The following PHIP variants were observed in gnomAD, a reference collection of about 807,000 sequenced individuals.
PHIP encodes PH-interacting protein.
Under a neutral mutation model 236.8 loss-of-function variants are expected in PHIP, and 54 were observed. That is an observed-to-expected ratio of 0.23 (90% CI 0.18 to 0.29). The LOEUF (loss-of-function observed/expected upper bound fraction) is 0.29. Ranked by LOEUF, PHIP falls within the 10% of genes least tolerant of loss-of-function variation. The probability of loss-of-function intolerance (pLI) is 1.00; values close to 1 mark genes in which losing one functional copy is unlikely to be tolerated. For synonymous variants in PHIP, 756 were observed against 718.9 expected (o/e 1.05, Z -0.83); for missense variants, 1,370 against 2,190.8 (o/e 0.63, Z 7.48).
rs78774794 is a variant in PHIP at position 78,978,695 on chromosome 6, T to A, written c.2786A>T (p.Glu929Val). ...ERKQKRLAVG[E>V]LTENGLTLEE... Reference sequence around the variant, plus strand: ...TAATGTCAAACCATTTTCAGTTAGTTCTCCCACAGCCAATCTCTGACAAAA... The same window carrying A: ...TAATGTCAAACCATTTTCAGTTAGTACTCCCACAGCCAATCTCTGACAAAA... Residue 929 changes from glutamate to valine, a missense_variant, in exon 24 of 40, where the codon GAA becomes GTA. Physicochemically the swap from Glu to Val is moderately radical, Grantham distance 121 (BLOSUM62 -2). Transcript: ENST00000275034. The A allele has an allele frequency of 1.9e-4, 306 of 1,597,332 alleles. No homozygotes were observed. The highest frequency in any genetic ancestry group is 2.4e-4 in the Non-Finnish European group (281 of 1,168,342).
chr6:78,946,253 T>C lies in PHIP; in HGVS notation c.4378A>G (p.Arg1460Gly). 6.2e-7 allele frequency: 1 copy of C among 1,612,316 alleles called. No individual in the cohort carries two copies. Among genetic ancestry groups the C allele is most frequent in the Non-Finnish European group, 8.5e-7 (1 of 1,179,022 alleles). Reference sequence around the variant, plus strand: ...TGGGGTTTTAAGATCCTTTTTTTCCTTTCAGGGCTGTAAATAAAATAGTAT... The same window carrying C: ...TGGGGTTTTAAGATCCTTTTTTTCCCTTCAGGGCTGTAAATAAAATAGTAT... Reference protein sequence around the residue: ...VSSSAASSPERKKRILKPQLK... With the variant: ...VSSSAASSPEGKKRILKPQLK... The change falls in exon 38 of 40, where the codon AGG becomes GGG. Residue 1460 changes from arginine to glycine, a missense_variant. Physicochemically the swap from Arg to Gly is moderately radical, Grantham distance 125 (BLOSUM62 -2). Around this residue, in one of 14 missense-constraint regions of PHIP, gnomAD observed 125 missense variants for 235.1 expected, o/e 0.53. Transcript: ENST00000275034.
intron 39 of PHIP, among the ~76,000 whole-genome samples, chr6:78,945,020 A>T (rs146537039): frequency 1.7e-3 from 258 of 152,282 alleles, no homozygotes; most frequent in African/African-American, 5.7e-3. Flanking sequence ...TTTCTAGAAA[A>T]GTGAAGAATG....
At position 78,935,500 on chromosome 6, in the gene PHIP, C is replaced by T; in HGVS notation, c.*5193G>A. 1.0e-6 allele frequency: 1 copy of T among 978,370 alleles called. No individual in the cohort carries two copies. Among genetic ancestry groups the T allele is most frequent in the Non-Finnish European group, 1.2e-6 (1 of 823,638 alleles). 60.6% of individuals were successfully genotyped at this position (978,370 alleles called of 1,614,324 possible). A position where few individuals can be genotyped will look rare whatever the true frequency, so the allele number is the denominator to read the frequency against. ...TGAGAAAATATTTATGCAAAGTGTT[C>T]CACTGAAATGTATCTCTTACGAAAG... On this transcript the variant is annotated 3_prime_UTR_variant, in exon 40 of 40. Coordinates refer to ENST00000275034, the MANE Select transcript of PHIP (RefSeq NM_017934.7).
chr6:78,985,010 A>G (rs1158615983), intron 22 of PHIP, among the ~76,000 whole-genome samples: 2 of 151,842 alleles, frequency 1.3e-5, no homozygotes, highest in Non-Finnish European at 1.5e-5. Flanking sequence ...ATTCCACTAT[A>G]TAAGATAGTT....
chr6:79,077,350 C>T, intron 4 of PHIP, 98 bp downstream of exon 4: 2 of 1,168,538 alleles, frequency 1.7e-6, no homozygotes, highest in Non-Finnish European at 2.5e-6. Context: ...CTTTCACGTT[C>T]TAGGGCCAAG....
chr6:79,053,112 G>A (rs556291259), intron 6 of PHIP, among the ~76,000 whole-genome samples: 120 of 152,128 alleles, frequency 7.9e-4, no homozygotes, highest in East Asian at 3.9e-4. Context: ...TCACGAGTTC[G>A]AGACCAGCCT....
intron 7 of PHIP, among the ~76,000 whole-genome samples, chr6:79,034,030 T>C (rs1771804060): frequency 6.6e-6 from 1 of 152,070 alleles, no homozygotes; most frequent in African/African-American, 2.4e-5. Context: ...CATGGCACCC[T>C]AAAAAGACTT....
At chr6:79,059,577 A>G (rs755449036) in intron 6 of PHIP, among the ~76,000 whole-genome samples, 186 of 136,108 alleles carry the variant, frequency 1.4e-3, no homozygotes, top group Non-Finnish European at 2.3e-3. Flanking sequence ...GGAAACAAAA[A>G]GTTGAAAGCA....
chr6:78,962,618 T>C (rs1409299761), intron 30 of PHIP, among the ~76,000 whole-genome samples: 1 of 152,146 alleles, frequency 6.6e-6, no homozygotes, highest in African/African-American at 2.4e-5. Flanking sequence ...AGAATTTAGA[T>C]AATCAAGTTT....
chr6:79,055,295 T>C (rs994393091), intron 6 of PHIP, among the ~76,000 whole-genome samples: 2 of 152,162 alleles, frequency 1.3e-5, no homozygotes, highest in Non-Finnish European at 2.9e-5. Flanking sequence ...AAGATAAACA[T>C]GCATTAAACC....
intron 7 of PHIP, among the ~76,000 whole-genome samples, chr6:79,042,146 T>C (rs944498329): frequency 3.3e-5 from 5 of 152,038 alleles, no homozygotes. Flanking sequence ...TGTAGTATTA[T>C]GCTTAATGAA....
chr6:79,012,858 A>G (rs1433863183), intron 15 of PHIP, among the ~76,000 whole-genome samples: 5 of 151,786 alleles, frequency 3.3e-5, no homozygotes, highest in Non-Finnish European at 1.5e-5. Flanking sequence ...GCAATTAGAT[A>G]ACTCATAAAA....
intron 24 of PHIP, among the ~76,000 whole-genome samples, chr6:78,974,715 C>G (rs986483967): frequency 9.2e-5 from 14 of 152,072 alleles, no homozygotes; most frequent in African/African-American, 3.4e-4. Context: ...CACAGAAATA[C>G]AAACTACCAT....
intron 7 of PHIP, among the ~76,000 whole-genome samples, chr6:79,042,642 G>A (rs1202098857): frequency 6.6e-6 from 1 of 151,930 alleles, no homozygotes; most frequent in Admixed American, 6.6e-5. Context: ...TGACTGTGCT[G>A]CAACATGTCA....
At chr6:79,003,674 C>T (rs1286435914) in intron 16 of PHIP, 56 bp downstream of exon 16, 1 of 1,268,798 alleles carries the variant, frequency 7.9e-7, no homozygotes, top group Admixed American at 2.5e-5. Flanking sequence ...AACATACAAC[C>T]CCTAAACATG....
chr6:78,968,993 T>C (rs1271125829), intron 27 of PHIP, among the ~76,000 whole-genome samples: 1 of 152,210 alleles, frequency 6.6e-6, no homozygotes, highest in Non-Finnish European at 1.5e-5. Flanking sequence ...CTTTTCCTGT[T>C]CTGGACTTCC....
chr6:78,954,904 C>T lies in PHIP; in HGVS notation c.3963G>A (p.Trp1321Ter). The change falls in exon 35 of 40, where the codon TGG becomes TGA. Residue 1321 changes from tryptophan (W) to a stop codon, truncating the protein, a stop_gained. Coordinates refer to ENST00000275034, the MANE Select transcript of PHIP (RefSeq NM_017934.7). LOFTEE classifies it high-confidence loss of function. Reference protein sequence around the residue: ...NRAQSYDIQAWKKQCEELLNL... With the variant: ...NRAQSYDIQA The stretch of plus-strand genomic sequence containing the variant: ...TTAACAATTCTTCACACTGTTTCTT[C>T]CATGCTTGAATATCGTAAGACTGGG... 2 of 1,588,286 alleles carry T rather than the reference C, an allele frequency of 1.3e-6. No individual in the cohort carries two copies. The highest frequency in any genetic ancestry group is 1.7e-6 in the Non-Finnish European group (2 of 1,168,676).
At chr6:79,006,166 A>G (rs1770281258) in intron 15 of PHIP, among the ~76,000 whole-genome samples, 2 of 152,034 alleles carry the variant, frequency 1.3e-5, no homozygotes, top group Admixed American at 1.3e-4. Context: ...AGGAGGCATT[A>G]AAAGAATCTG....
At position 78,940,271 on chromosome 6, in the gene PHIP, T is replaced by C. The variant is rs1408458988; in HGVS notation, c.*422A>G. 2.6e-5 allele frequency: 4 copies of C among 151,908 alleles called. No homozygotes were observed. The highest frequency in any genetic ancestry group is 6.6e-5 in the Admixed American group (1 of 15,236). The allele number at this position is 151,908 out of a possible 1,614,324, so 9.4% of individuals were successfully genotyped here. On this transcript the variant is annotated 3_prime_UTR_variant, in exon 40 of 40. Coordinates refer to ENST00000275034, the MANE Select transcript of PHIP (RefSeq NM_017934.7). The stretch of plus-strand genomic sequence containing the variant: ...GGGGCATGACTTGTATCAATAGAAA[T>C]GTACCTCACTTGGTCAAAAATAATT...
Sources: allele counts gnomAD v4.1 joint callset (sites outside exome capture counted in the v4.1 genomes callset), GRCh38; gene constraint gnomAD v4.1.1; regional missense constraint gnomAD v4.1.1; transcripts MANE v1.5; gene names NCBI Gene and HGNC (gene_info 2026-07-23, HGNC 2026-07-21).